The following RMDN3 variants were observed in gnomAD, a reference collection of about 807,000 sequenced individuals.
RMDN3 encodes the protein regulator of microtubule dynamics protein 3.
In RMDN3, 41 loss-of-function variants were observed where a neutral mutation model predicts 61.8. The observed-to-expected ratio is 0.66, with a 90% CI of 0.52 to 0.86. The LOEUF is 0.86. RMDN3 is among the 40% of genes least tolerant of loss of function. The probability of loss-of-function intolerance (pLI) is 0.00; values close to 1 mark genes in which losing one functional copy is unlikely to be tolerated. For synonymous variants in RMDN3, 247 were observed against 232.0 expected (o/e 1.06, Z -0.59); for missense variants, 557 against 585.3 (o/e 0.95, Z 0.50).
rs938405755 is a variant in RMDN3, at chr15:40,736,226, C to G, written c.*315G>C. 5 of 363,202 alleles carry G rather than the reference C, an allele frequency of 1.4e-5. No individual in the cohort carries two copies. The highest frequency in any genetic ancestry group is 9.8e-6 in the Non-Finnish European group (2 of 203,074). The allele number at this position is 363,202 out of a possible 1,614,324, so 22.5% of individuals were successfully genotyped here. A position where few individuals can be genotyped will look rare whatever the true frequency, so the allele number is the denominator to read the frequency against. ...CTATAGCTTTGAAGTTCATCCACCT[C>G]ACCAGCAATTGGAAGGTCTCAGGTC... On this transcript the variant is annotated 3_prime_UTR_variant, in exon 13 of 13. Transcript: ENST00000338376.
intron 6 of RMDN3, among the ~76,000 whole-genome samples, chr15:40,743,784 G>A (rs898380731): frequency 9.2e-5 from 14 of 152,308 alleles, no homozygotes; most frequent in Admixed American, 2.6e-4. Flanking sequence ...TGAGAAAAAC[G>A]AATAACATTG....
intron 7 of RMDN3, chr15:40,739,298 A>G (rs909157544): frequency 1.3e-5 from 2 of 151,820 alleles, no homozygotes; most frequent in African/African-American, 4.8e-5. Flanking sequence ...TATGCTAAGT[A>G]TCCGGGGGGT....
chr15:40,738,001 G>A lies in RMDN3; in HGVS notation c.1089C>T (p.Pro363=). 1.2e-6 allele frequency: 2 copies of A among 1,614,222 alleles called. No individual in the cohort carries two copies. Among genetic ancestry groups the A allele is most frequent in the Non-Finnish European group, 1.7e-6 (2 of 1,180,032 alleles). Residue 363 remains proline, a synonymous_variant, in exon 9 of 13, where the codon CCC becomes CCT. Coordinates refer to ENST00000338376, the MANE Select transcript of RMDN3 (RefSeq NM_018145.3). ...ACCTGCCAAGAAGAAAGTGAGCCAT[G>A]GGGTTTTCTGGCTGGAGAGCAATGG... ...DKAIALQPEN[P]MAHFLLGRWC...
At position 40,745,112 on chromosome 15, in the gene RMDN3, G is replaced by A. The variant is rs1254919894; in HGVS notation, c.672C>T (p.Ser224=). Residue 224 remains serine (S), a synonymous_variant, in exon 5 of 13, where the codon TCC becomes TCT. Transcript: ENST00000338376. ...AGGAACCTCCAGCCTCCAGGGCACT[G>A]GAGGCACCTGAAGCTGCCTCTTCCT... ...DLEEEAASGA[S]SALEAGGSSG... is the part of the protein sequence containing the mutation. 3 of 1,614,022 alleles carry A rather than the reference G, an allele frequency of 1.9e-6. No individual in the cohort carries two copies. The highest frequency in any genetic ancestry group is 1.7e-5 in the Admixed American group (1 of 60,002).
At chr15:40,744,855 T>C in intron 5 of RMDN3, 122 bp downstream of exon 5, 1 of 1,096,778 alleles carries the variant, frequency 9.1e-7, no homozygotes, top group Non-Finnish European at 1.3e-6. Context: ...TGTCTCACCA[T>C]TTCTCGTCCC....
rs1596057788 is a variant in RMDN3 at position 40,752,154 on chromosome 15, C to T, written c.212G>A (p.Gly71Asp). Residue 71 changes from glycine to aspartate, a missense_variant, in exon 3 of 13, where the codon GGT becomes GAT. By Grantham distance (94) the Gly-to-Asp change is moderately conservative (BLOSUM62 -1). Coordinates refer to ENST00000338376, the MANE Select transcript of RMDN3 (RefSeq NM_018145.3). ...RHVMLLRAVP[G>D]GAGDASVLPS... ...CAGCACTGAGGCATCTCCAGCCCCACCTGGGACAGCCCGCAGGAGCATCAC... is the reference window on the plus strand; with the variant it reads ...CAGCACTGAGGCATCTCCAGCCCCATCTGGGACAGCCCGCAGGAGCATCAC... The T allele has an allele frequency of 6.2e-7, 1 of 1,614,118 alleles. No homozygotes were observed. The highest frequency in any genetic ancestry group is 1.3e-5 in the African/African-American group (1 of 75,060).
chr15:40,741,620 ATTTTTTTTT>A (rs553262858), intron 6 of RMDN3, among the ~76,000 whole-genome samples: 9 of 71,734 alleles, frequency 1.3e-4, no homozygotes, highest in East Asian at 6.2e-4. Flanking sequence ...GCAACATAGG[ATTTTTTTTT>A]TTTTTTTTTT....
intron 8 of RMDN3, among the ~76,000 whole-genome samples, chr15:40,738,286 G>A (rs1897142920): frequency 6.6e-6 from 1 of 152,154 alleles, no homozygotes. Context: ...TACTTGGGAG[G>A]CTGAGGCAGG....
chr15:40,750,083 T>C (rs1411182163), intron 4 of RMDN3, among the ~76,000 whole-genome samples: 2 of 152,170 alleles, frequency 1.3e-5, no homozygotes, highest in Non-Finnish European at 2.9e-5. Flanking sequence ...ATTTTATTTT[T>C]CTGAGGCAGG....
intron 7 of RMDN3, chr15:40,738,848 CAGTAAAT>C: frequency 2.0e-6 from 1 of 503,252 alleles, no homozygotes; most frequent in Non-Finnish European, 3.6e-6. Flanking sequence ...CTCTCTTACA[CAGTAAAT>C]CTCTCCTACA....
chr15:40,744,076 A>G lies in RMDN3; in HGVS notation c.881T>C (p.Val294Ala), dbSNP rs1221990784. ...TAGGGCATATGACTTCTTCTCGCTC[A>G]CCTCCTCAGTGAGCTCACACATGTC... is the stretch of plus-strand genomic sequence containing the variant. ...YSDMCELTEE[V>A]SEKKSYALDG... Residue 294 changes from valine (V) to alanine (A), a missense_variant, in exon 6 of 13, where the codon GTG becomes GCG. Val to Ala is a moderately conservative substitution (Grantham distance 64). Transcript: ENST00000338376. 1.9e-6 allele frequency: 3 copies of G among 1,613,270 alleles called. No homozygotes were observed. In the East Asian group the frequency reaches 6.7e-5, roughly 36 times the overall value.
In RMDN3 at chr15:40,736,506, A is replaced by G. The variant is rs1198274568; in HGVS notation, c.*35T>C. ...GCCTCCCCGCCCCCCCACCTTAAAT[A>G]GTGGCATCAAGTCATGAAGGCCAGT... is the stretch of plus-strand genomic sequence containing the variant. On this transcript the variant is annotated 3_prime_UTR_variant, in exon 13 of 13. Transcript: ENST00000338376. 3.1e-6 allele frequency: 5 copies of G among 1,599,278 alleles called. No individual in the cohort carries two copies. The highest frequency in any genetic ancestry group is 3.4e-6 in the Non-Finnish European group (4 of 1,166,978).
Position 40,736,374 on chromosome 15 carries a change from T to G in RMDN3, c.*167A>C. On this transcript the variant is annotated 3_prime_UTR_variant, in exon 13 of 13. Coordinates refer to ENST00000338376, the MANE Select transcript of RMDN3 (RefSeq NM_018145.3). The stretch of plus-strand genomic sequence containing the variant: ...AGTACTGCCCCAATTCTAGATTAGG[T>G]TAGAGGTTAGAATAAATTAACTAAT... The G allele has an allele frequency of 1.6e-6, 1 of 614,332 alleles. No homozygotes were observed. Among genetic ancestry groups the G allele is most frequent in the Non-Finnish European group, 2.9e-6 (1 of 344,030 alleles). The allele number at this position is 614,332 out of a possible 1,614,324, so 38.1% of individuals were successfully genotyped here. A position where few individuals can be genotyped will look rare whatever the true frequency, so the allele number is the denominator to read the frequency against.
chr15:40,744,800 C>T (rs545480890), intron 5 of RMDN3, among the ~76,000 whole-genome samples, 177 bp downstream of exon 5: 1 of 152,192 alleles, frequency 6.6e-6, no homozygotes, highest in East Asian at 1.9e-4. Flanking sequence ...CGCTGGGCCT[C>T]CTTGGAAGAG....
Position 40,752,185 on chromosome 15 carries a change from G to C in RMDN3, c.188-7C>G, listed in dbSNP as rs1362904552. ...ACAGCCCGCAGGAGCATCACTGAAG[G>C]GGGAAACGAATGGGAGCCAGTGACA... is the stretch of plus-strand genomic sequence containing the variant. On this transcript the variant is annotated splice_region_variant and splice_polypyrimidine_tract_variant and intron_variant, in intron 2 of 12. Transcript: ENST00000338376. 1.2e-6 allele frequency: 2 copies of C among 1,609,564 alleles called. No individual in the cohort carries two copies. The highest frequency in any genetic ancestry group is 1.7e-6 in the Non-Finnish European group (2 of 1,177,174).
At chr15:40,749,434 T>C (rs142871128) in intron 4 of RMDN3, among the ~76,000 whole-genome samples, 2 of 152,348 alleles carry the variant, frequency 1.3e-5, no homozygotes, top group South Asian at 4.1e-4. Flanking sequence ...GGAGCACCAC[T>C]TGAGCCCAAG....
chr15:40,736,474 G>GA lies in RMDN3; in HGVS notation c.*66dup. The GA allele has an allele frequency of 4.7e-6, 7 of 1,483,502 alleles. No homozygotes were observed. The East Asian group carries it at 1.4e-4, about 29-fold the overall frequency. 91.9% of individuals were successfully genotyped at this position (1,483,502 alleles called of 1,614,324 possible). ...TTTCCTGATCTCAGCAAGGTCTAAG[G>GA]AAAAAAGCCTCCCCGCCCCCCCACC... is the stretch of plus-strand genomic sequence containing the variant. On this transcript the variant is annotated 3_prime_UTR_variant, in exon 13 of 13. Transcript: ENST00000338376.
rs200096905 is a variant in RMDN3 at position 40,751,418 on chromosome 15, C to T, written c.524+8G>A. 391 of 1,613,456 alleles carry T rather than the reference C, an allele frequency of 2.4e-4. No homozygotes were observed. In the African/African-American group the frequency reaches 4.2e-3, roughly 17 times the overall value. On this transcript the variant is annotated splice_region_variant and intron_variant, in intron 4 of 12. Coordinates refer to ENST00000338376, the MANE Select transcript of RMDN3 (RefSeq NM_018145.3). ...TAGCCATAACTGCCTCCAAGAGAGA[C>T]AACTCACCCCCCTTCACTCTCAGCA...
chr15:40,741,776 G>A (rs1344362462), intron 6 of RMDN3, among the ~76,000 whole-genome samples: 2 of 151,674 alleles, frequency 1.3e-5, no homozygotes, highest in South Asian at 2.1e-4. Flanking sequence ...TTACAGGTGT[G>A]TGCCACCACA....
Sources: allele counts gnomAD v4.1 joint callset (sites outside exome capture counted in the v4.1 genomes callset), GRCh38; gene constraint gnomAD v4.1.1; transcripts MANE v1.5; gene names NCBI Gene and HGNC (gene_info 2026-07-23, HGNC 2026-07-21).